Variants in FCRL2 observed in about 807,000 individuals in gnomAD.
FCRL2 encodes Fc receptor like 2, also known as Fc receptor-like protein 2.
In FCRL2, 48 loss-of-function variants were observed where a neutral mutation model predicts 59.8. That is an observed-to-expected ratio of 0.80 (90% CI 0.64 to 1.02). FCRL2 has a LOEUF of 1.02. Ranked by LOEUF, FCRL2 falls within the 50% of genes least tolerant of loss-of-function variation. The pLI is 0.00. For synonymous variants in FCRL2, 251 were observed against 229.5 expected, an observed-to-expected ratio of 1.09 and a Z score of -0.85; for missense variants, 658 against 597.3, an observed-to-expected ratio of 1.10 and a Z score of -1.06.
intron 2 of FCRL2, among the ~76,000 whole-genome samples, chr1:157,772,388 A>C (rs1650090639): frequency 6.6e-6 from 1 of 152,186 alleles, no homozygotes; most frequent in South Asian, 2.1e-4. Flanking sequence ...AGACTGCCCC[A>C]AGAGCAAGCC....
chr1:157,758,877 T>C (rs570405575), intron 7 of FCRL2, among the ~76,000 whole-genome samples: 8 of 152,186 alleles, frequency 5.3e-5, no homozygotes, highest in African/African-American at 1.9e-4. Context: ...GCTAACCATA[T>C]GCAGAATATT....
intron 5 of FCRL2, 118 bp from the exon 6 acceptor site, chr1:157,767,627 C>T: frequency 6.2e-6 from 10 of 1,613,162 alleles, no homozygotes; most frequent in Non-Finnish European, 8.5e-6. Context: ...ATTTTCCATT[C>T]CCACATTCCC....
chr1:157,747,877 T>C (rs16839027), intron 10 of FCRL2, among the ~76,000 whole-genome samples: 4,874 of 152,308 alleles, frequency 0.032, 249 homozygotes, highest in African/African-American at 0.11. Flanking sequence ...AGAGACACTT[T>C]AATGACCCTG....
At chr1:157,758,123 A>G (rs1265741524) in intron 7 of FCRL2, among the ~76,000 whole-genome samples, 1 of 152,202 alleles carries the variant, frequency 6.6e-6, no homozygotes, top group Non-Finnish European at 1.5e-5. Flanking sequence ...GGCTTGGTGT[A>G]TCATGGCGTA....
At chr1:157,763,932 A>C (rs1325716427) in intron 7 of FCRL2, among the ~76,000 whole-genome samples, 2 of 149,834 alleles carry the variant, frequency 1.3e-5, no homozygotes, top group African/African-American at 4.9e-5. Context: ...CGGGAGGCTG[A>C]GGCAGGAGGA....
chr1:157,768,556 A>G lies in FCRL2; in HGVS notation c.741T>C (p.Ser247=), dbSNP rs1234295129. ...GGGAACGCTGGGTTTTCTTTCCCAT[A>G]CTGGTTCCTGTGGCCTCTCTGTACC... ...FSWYREATGT[S]MGKKTQRSLS... The change falls in exon 5 of 12, where the codon AGT becomes AGC. Residue 247 remains serine, a synonymous_variant. Transcript: ENST00000361516. The G allele has an allele frequency of 2.5e-6, 4 of 1,613,960 alleles. No homozygotes were observed. The highest frequency in any genetic ancestry group is 3.4e-6 in the Non-Finnish European group (4 of 1,180,008).
chr1:157,760,677 AGG>A (rs1648963068), intron 7 of FCRL2, among the ~76,000 whole-genome samples: 1 of 138,758 alleles, frequency 7.2e-6, no homozygotes, highest in African/African-American at 3.0e-5. Flanking sequence ...GAAGGAAGGA[AGG>A]AAAGAAAGAA....
intron 2 of FCRL2, among the ~76,000 whole-genome samples, chr1:157,774,698 G>A (rs1650278550): frequency 6.6e-6 from 1 of 152,194 alleles, no homozygotes; most frequent in Admixed American, 6.5e-5. Context: ...GGGTATCACA[G>A]GGTGGGACTC....
chr1:157,761,126 T>C (rs528338269), intron 7 of FCRL2, among the ~76,000 whole-genome samples: 2 of 152,316 alleles, frequency 1.3e-5, no homozygotes, highest in South Asian at 4.1e-4. Context: ...TTGTCCTGTA[T>C]CTGATAGGTT....
At chr1:157,749,435 C>A (rs1557852371) in intron 8 of FCRL2, among the ~76,000 whole-genome samples, 1 of 152,008 alleles carries the variant, frequency 6.6e-6, no homozygotes, top group Non-Finnish European at 1.5e-5. Flanking sequence ...GTATGTAATC[C>A]TATACAAGAT....
chr1:157,767,025 T>C lies in FCRL2; in HGVS notation c.1163-54A>G, dbSNP rs529272591. On this transcript the variant is annotated intron_variant, in intron 6 of 11. Coordinates refer to ENST00000361516, the MANE Select transcript of FCRL2 (RefSeq NM_030764.4). ...CAGAGGTTTAAGACTTGGGCCCTTCTTATAAATGCTATATAGGGATGTTAA... is the reference window on the plus strand; with the variant it reads ...CAGAGGTTTAAGACTTGGGCCCTTCCTATAAATGCTATATAGGGATGTTAA... 4.1e-5 allele frequency: 61 copies of C among 1,485,212 alleles called. No homozygotes were observed. The African/African-American group carries it at 8.1e-4, about 20-fold the overall frequency. The allele number at this position is 1,485,212 out of a possible 1,614,324, so 92.0% of individuals were successfully genotyped here. A position where few individuals can be genotyped will look rare whatever the true frequency, so the allele number is the denominator to read the frequency against.
chr1:157,747,470 A>G (rs1201319030), intron 10 of FCRL2, among the ~76,000 whole-genome samples: 2 of 152,198 alleles, frequency 1.3e-5, no homozygotes, highest in Admixed American at 1.3e-4. Context: ...TGATTCTGCT[A>G]GGCTGGTCAG....
intron 9 of FCRL2, 28 bp downstream of exon 9, chr1:157,748,847 C>G: frequency 1.2e-6 from 2 of 1,604,708 alleles, no homozygotes; most frequent in South Asian, 2.2e-5. Flanking sequence ...GACTCAGCCT[C>G]AGAGCCCTTC....
At chr1:157,775,373 T>C (rs16839119) in intron 2 of FCRL2, among the ~76,000 whole-genome samples, 2,482 of 152,334 alleles carry the variant, frequency 0.016, 57 homozygotes, top group African/African-American at 0.056. Flanking sequence ...CTGCAGAAGT[T>C]TGTAGTTCTG....
chr1:157,746,959 G>A lies in FCRL2; in HGVS notation c.1460-60C>T. On this transcript the variant is annotated intron_variant, in intron 10 of 11. Coordinates refer to ENST00000361516, the MANE Select transcript of FCRL2 (RefSeq NM_030764.4). ...CATTCTTAATTAGGCCTCACTCCCA[G>A]ACTTTATGCCCCAGGGCATAGAACT... 3.9e-6 allele frequency: 6 copies of A among 1,550,884 alleles called. No individual in the cohort carries two copies. In the South Asian group the frequency reaches 6.7e-5, roughly 17 times the overall value.
chr1:157,760,780 A>AGGAAGGAAGGAG (rs1444361891), intron 7 of FCRL2, among the ~76,000 whole-genome samples: 1 of 146,224 alleles, frequency 6.8e-6, no homozygotes, highest in Non-Finnish European at 1.5e-5. Context: ...AAAGAAAGGA[A>AGGAAGGAAGGAG]GGAAGGAAGG....
chr1:157,772,654 T>C (rs1230704982), intron 2 of FCRL2, among the ~76,000 whole-genome samples: 4 of 152,232 alleles, frequency 2.6e-5, no homozygotes, highest in Non-Finnish European at 5.9e-5. Flanking sequence ...AATCCAAGTC[T>C]ACTATTATTA....
intron 5 of FCRL2, chr1:157,767,804 AATTTTTT>A (rs1215146541): frequency 1.1e-6 from 1 of 937,762 alleles, no homozygotes; most frequent in Non-Finnish European, 1.5e-6. Context: ...TGTATCCTAT[AATTTTTT>A]ATTAGGAAAT....
At chr1:157,766,705 G>A in intron 7 of FCRL2, 150 bp downstream of exon 7, 1 of 1,313,620 alleles carries the variant, frequency 7.6e-7, no homozygotes, top group Non-Finnish European at 1.0e-6. Context: ...ATTGAGCATT[G>A]CACAGAGCCT....
Sources: allele counts gnomAD v4.1 joint callset (sites outside exome capture counted in the v4.1 genomes callset), GRCh38; gene constraint gnomAD v4.1.1; transcripts MANE v1.5; gene names NCBI Gene and HGNC (gene_info 2026-07-23, HGNC 2026-07-21).